MEIKIN: variants seen among roughly 807,000 people sequenced by gnomAD.
MEIKIN encodes the protein meiosis-specific kinetochore protein.
intron 12 of MEIKIN, among the ~76,000 whole-genome samples, chr5:131,814,188 A>G (rs1773058177): frequency 6.6e-6 from 1 of 152,056 alleles, no homozygotes; most frequent in African/African-American, 2.4e-5. Context: ...ACACAGGAAC[A>G]ATACTTTGCA....
At chr5:131,921,000 C>A (rs1391663172) in intron 6 of MEIKIN, among the ~76,000 whole-genome samples, 4 of 152,084 alleles carry the variant, frequency 2.6e-5, no homozygotes. Flanking sequence ...CTGCACCCAG[C>A]CATAACTTCA....
intron 8 of MEIKIN, among the ~76,000 whole-genome samples, chr5:131,888,537 G>A (rs1456551072): frequency 1.1e-4 from 16 of 152,062 alleles, no homozygotes; most frequent in Non-Finnish European, 7.4e-5. Context: ...CATATCCTTC[G>A]CCCACTTTTT....
intron 10 of MEIKIN, among the ~76,000 whole-genome samples, chr5:131,851,764 A>G (rs1750119104): frequency 6.6e-6 from 1 of 152,236 alleles, no homozygotes; most frequent in Admixed American, 6.5e-5. Context: ...TTTCTGTACC[A>G]AATTAAAAAT....
At chr5:131,872,692 A>G (rs1750527958) in intron 9 of MEIKIN, among the ~76,000 whole-genome samples, 1 of 152,180 alleles carries the variant, frequency 6.6e-6, no homozygotes, top group African/African-American at 2.4e-5. Flanking sequence ...AAGACACATA[A>G]TTGTCAGATT....
At chr5:131,876,584 G>C (rs1750617757) in intron 9 of MEIKIN, among the ~76,000 whole-genome samples, 1 of 147,258 alleles carries the variant, frequency 6.8e-6, no homozygotes, top group African/African-American at 2.5e-5. Context: ...GGAAGTCAGT[G>C]TGGCGATTCC....
chr5:131,944,163 T>C (rs762190612), intron 3 of MEIKIN, among the ~76,000 whole-genome samples: 11 of 150,568 alleles, frequency 7.3e-5, no homozygotes, highest in Non-Finnish European at 1.6e-4. Flanking sequence ...TAATGTCAGA[T>C]GAGTCACAAG....
chr5:131,927,490 C>T (rs1339312818), intron 5 of MEIKIN, among the ~76,000 whole-genome samples: 8 of 152,216 alleles, frequency 5.3e-5, no homozygotes, highest in Middle Eastern at 3.4e-3. Flanking sequence ...TTGTCTATAG[C>T]GCTGTTCAAG....
intron 8 of MEIKIN, among the ~76,000 whole-genome samples, chr5:131,892,712 A>G (rs1185172379): frequency 6.6e-6 from 1 of 152,074 alleles, no homozygotes; most frequent in Non-Finnish European, 1.5e-5. Flanking sequence ...TCTTCTCTCA[A>G]CTCGTCAAAG....
chr5:131,810,438 G>T (rs544154067), intron 12 of MEIKIN, among the ~76,000 whole-genome samples: 1 of 152,294 alleles, frequency 6.6e-6, no homozygotes, highest in African/African-American at 2.4e-5. Context: ...GTCCTCTCTT[G>T]GGTTCCTACA....
intron 11 of MEIKIN, among the ~76,000 whole-genome samples, chr5:131,833,120 G>T (rs921664346): frequency 2.0e-5 from 3 of 152,066 alleles, no homozygotes; most frequent in Non-Finnish European, 4.4e-5. Flanking sequence ...CTTTTATGCC[G>T]TTTCTCTTTT....
chr5:131,939,629 A>G (rs1031272331), intron 4 of MEIKIN, among the ~76,000 whole-genome samples: 5 of 152,228 alleles, frequency 3.3e-5, no homozygotes, highest in African/African-American at 9.6e-5. Context: ...ATTCCAAGGT[A>G]GAATTAAAAC....
chr5:131,859,766 C>T lies in MEIKIN; in HGVS notation c.775-4932G>A, dbSNP rs114582202. 5.3e-3 allele frequency among the ~76,000 whole-genome samples: 805 copies of T among 152,290 alleles called. 4 individuals carry two copies. The highest frequency in any genetic ancestry group is 0.019 in the African/African-American group (769 of 41,550). ...ATAGGGGTCTAGTTTCATTCTTCTGCATGGGGATATCCAGTTTTCTGAGCA... is the reference window on the plus strand; with the variant it reads ...ATAGGGGTCTAGTTTCATTCTTCTGTATGGGGATATCCAGTTTTCTGAGCA... On this transcript the variant is annotated intron_variant, in intron 9 of 12. Coordinates refer to ENST00000442687, the MANE Select transcript of MEIKIN (RefSeq NM_001303622.2).
At chr5:131,891,814 T>C (rs767302607) in intron 8 of MEIKIN, among the ~76,000 whole-genome samples, 35 of 152,234 alleles carry the variant, frequency 2.3e-4, no homozygotes, top group Non-Finnish European at 4.4e-4. Flanking sequence ...GTAGCTTTGA[T>C]GGTCTTTACA....
rs145804538 is a variant in MEIKIN, at chr5:131,820,954, A to T, written c.976-2091T>A. The stretch of plus-strand genomic sequence containing the variant: ...ACTTTGTTTATCTTTTCAAAATACC[A>T]ACTTTTTGTTTTGTTGATCTTTTGT... On this transcript the variant is annotated intron_variant, in intron 11 of 12. Transcript: ENST00000442687. Among the ~76,000 whole-genome samples the T allele has an allele frequency of 2.8e-4, 43 of 152,120 alleles. No homozygotes were observed. In the East Asian group the frequency reaches 6.7e-3, roughly 24 times the overall value.
At chr5:131,921,966 G>A in intron 5 of MEIKIN, 25 bp from the exon 6 acceptor site, 1 of 398,718 alleles carries the variant, frequency 2.5e-6, no homozygotes, top group Non-Finnish European at 4.4e-6. Context: ...AAGAAATAGT[G>A]TAAGACTTTG....
intron 9 of MEIKIN, among the ~76,000 whole-genome samples, chr5:131,855,480 C>T (rs1384490001): frequency 6.6e-6 from 1 of 151,272 alleles, no homozygotes; most frequent in East Asian, 1.9e-4. Context: ...AGACAAGATA[C>T]AAGACCTAAA....
intron 8 of MEIKIN, among the ~76,000 whole-genome samples, chr5:131,903,307 C>A (rs1183009345): frequency 2.6e-5 from 4 of 152,132 alleles, no homozygotes; most frequent in African/African-American, 7.2e-5. Context: ...AAAACCCCTG[C>A]AAAATACTAC....
intron 12 of MEIKIN, among the ~76,000 whole-genome samples, chr5:131,813,238 A>G (rs1044933085): frequency 2.6e-5 from 4 of 152,128 alleles, no homozygotes; most frequent in African/African-American, 9.7e-5. Flanking sequence ...CTCATATTTG[A>G]TTTACAAATG....
At chr5:131,913,957 T>C (rs1751368682) in intron 7 of MEIKIN, among the ~76,000 whole-genome samples, 1 of 152,202 alleles carries the variant, frequency 6.6e-6, no homozygotes, top group Admixed American at 6.5e-5. Flanking sequence ...ACAGGGTCTT[T>C]AAGAGGTGAC....
Sources: allele counts gnomAD v4.1 joint callset (sites outside exome capture counted in the v4.1 genomes callset), GRCh38; gene constraint gnomAD v4.1.1; transcripts MANE v1.5; gene names NCBI Gene and HGNC (gene_info 2026-07-23, HGNC 2026-07-21).